The following ZBTB20 variants were observed in gnomAD, a reference collection of about 807,000 sequenced individuals.
ZBTB20 encodes zinc finger and BTB domain-containing protein 20.
ZBTB20 carries 9 observed loss-of-function variants against 56.9 expected under a neutral mutation model. The ratio of observed to expected loss-of-function variants is 0.16; its 90% CI spans 0.10 to 0.28. The LOEUF is 0.28. Ranked by LOEUF, ZBTB20 falls within the 10% of genes least tolerant of loss-of-function variation. The pLI, the probability that ZBTB20 is intolerant of heterozygous loss-of-function variation, is 1.00. For missense variants in ZBTB20, 655 were observed against 1,003.0 expected, an observed-to-expected ratio of 0.65 and a Z score of 4.69; for synonymous variants, 417 against 420.7, an observed-to-expected ratio of 0.99 and a Z score of 0.11.
At chr3:114,558,770 T>C (rs1438469865) in intron 6 of ZBTB20, among the ~76,000 whole-genome samples, 1 of 152,170 alleles carries the variant, frequency 6.6e-6, no homozygotes, top group Non-Finnish European at 1.5e-5. Context: ...CTTCTCACTC[T>C]ACAGCCTATA....
rs1467646349 is a variant in ZBTB20 at position 114,449,030 on chromosome 3, T to A, written c.-255+51322A>T. Among the ~76,000 whole-genome samples the A allele has an allele frequency of 4.6e-5, 7 of 152,158 alleles. No homozygotes were observed. In the East Asian group the frequency reaches 1.3e-3, roughly 29 times the overall value. ...GAAATTCAAACTTTGAGCATTATTT[T>A]AAATTGGGTATTTAAAATATCAGTA... On this transcript the variant is annotated intron_variant, in intron 7 of 11. Transcript: ENST00000675478.
chr3:114,630,070 G>T (rs895862030), intron 6 of ZBTB20, among the ~76,000 whole-genome samples: 1 of 152,156 alleles, frequency 6.6e-6, no homozygotes, highest in African/African-American at 2.4e-5. Context: ...ATTCCAGGAG[G>T]TTGAGGCTGC....
intron 3 of ZBTB20, among the ~76,000 whole-genome samples, chr3:114,905,111 T>C (rs1301320723): frequency 6.6e-6 from 1 of 151,956 alleles, no homozygotes; most frequent in Non-Finnish European, 1.5e-5. Context: ...CTAATTGTCC[T>C]ATAATCCACA....
chr3:115,093,800 T>C (rs2083284223), intron 1 of ZBTB20, among the ~76,000 whole-genome samples: 1 of 152,282 alleles, frequency 6.6e-6, no homozygotes, highest in East Asian at 1.9e-4. Flanking sequence ...AAATGTGAGA[T>C]GTTTTGACTT....
chr3:114,680,114 A>G (rs1055161637), intron 6 of ZBTB20, among the ~76,000 whole-genome samples: 10 of 152,154 alleles, frequency 6.6e-5, no homozygotes, highest in Non-Finnish European at 1.3e-4. Context: ...CGAGGGGAAC[A>G]TTACACACCA....
At chr3:114,534,756 C>A (rs1374165143) in intron 6 of ZBTB20, among the ~76,000 whole-genome samples, 1 of 152,152 alleles carries the variant, frequency 6.6e-6, no homozygotes, top group Non-Finnish European at 1.5e-5. Flanking sequence ...CACTCCTCAG[C>A]AAATGTAAAA....
chr3:114,324,146 C>T lies in ZBTB20; in HGVS notation c.*14859G>A, dbSNP rs1280621230. ...ATGTATTTTCTGTAAAACATTAAGC[C>T]AATAGGCAGAAAATAAAAGGAAGTA... is the stretch of plus-strand genomic sequence containing the variant. On this transcript the variant is annotated 3_prime_UTR_variant, in exon 12 of 12. Coordinates refer to ENST00000675478, the MANE Select transcript of ZBTB20 (RefSeq NM_001348800.3). The T allele has an allele frequency of 2.0e-5, 3 of 151,960 alleles. No homozygotes were observed. Among genetic ancestry groups the T allele is most frequent in the Non-Finnish European group, 4.4e-5 (3 of 67,974 alleles). The allele number at this position is 151,960 out of a possible 1,614,324, so 9.4% of individuals were successfully genotyped here.
At chr3:114,918,655 G>A (rs770817041) in intron 3 of ZBTB20, among the ~76,000 whole-genome samples, 3 of 152,158 alleles carry the variant, frequency 2.0e-5, no homozygotes, top group African/African-American at 7.2e-5. Flanking sequence ...ATCTAGAAAT[G>A]TTATCTGGAA....
intron 7 of ZBTB20, among the ~76,000 whole-genome samples, chr3:114,488,482 A>AT (rs112434007): frequency 2.0e-5 from 3 of 152,190 alleles, no homozygotes; most frequent in African/African-American, 4.8e-5. Flanking sequence ...AAATACATGT[A>AT]TTTTTTAAAA....
chr3:114,882,675 C>T (rs1560357910), intron 4 of ZBTB20, among the ~76,000 whole-genome samples: 1 of 151,950 alleles, frequency 6.6e-6, no homozygotes, highest in Non-Finnish European at 1.5e-5. Flanking sequence ...ATCTCTAAGA[C>T]ATGGCATTAA....
chr3:114,444,691 A>G (rs556760760), intron 7 of ZBTB20, among the ~76,000 whole-genome samples: 9 of 152,032 alleles, frequency 5.9e-5, no homozygotes, highest in Non-Finnish European at 1.2e-4. Context: ...CCTGAATATC[A>G]TTTCTTAATC....
chr3:114,345,414 G>A (rs2080110167), intron 11 of ZBTB20, among the ~76,000 whole-genome samples: 2 of 152,170 alleles, frequency 1.3e-5, no homozygotes, highest in Non-Finnish European at 2.9e-5. Flanking sequence ...TGTGACCTAT[G>A]TAATTTGGAA....
chr3:114,586,947 A>AT (rs1441069289), intron 6 of ZBTB20, among the ~76,000 whole-genome samples: 1 of 144,494 alleles, frequency 6.9e-6, no homozygotes, highest in Non-Finnish European at 1.5e-5. Context: ...ATTTTTGCCC[A>AT]TTGTTGGTAC....
intron 10 of ZBTB20, among the ~76,000 whole-genome samples, chr3:114,361,058 T>A (rs113374917): frequency 2.6e-5 from 4 of 152,250 alleles, no homozygotes; most frequent in African/African-American, 9.6e-5. Flanking sequence ...TTTTGTATAA[T>A]ATTTATTATA....
chr3:115,091,938 T>C (rs757146766), intron 1 of ZBTB20, among the ~76,000 whole-genome samples: 4 of 152,066 alleles, frequency 2.6e-5, no homozygotes, highest in Non-Finnish European at 4.4e-5. Flanking sequence ...AAGTTATGCA[T>C]ATAAAATTGC....
At chr3:114,827,431 G>T (rs74870699) in intron 4 of ZBTB20, among the ~76,000 whole-genome samples, 4,991 of 151,830 alleles carry the variant, frequency 0.033, 149 homozygotes, top group Non-Finnish European at 0.044. Flanking sequence ...CCATTAGTTC[G>T]TTAGTTATAT....
intron 1 of ZBTB20, among the ~76,000 whole-genome samples, chr3:115,123,070 G>A (rs1451795028): frequency 6.6e-6 from 1 of 152,060 alleles, no homozygotes; most frequent in Non-Finnish European, 1.5e-5. Context: ...CTAGTTCTGT[G>A]TGCCATGCTA....
intron 6 of ZBTB20, among the ~76,000 whole-genome samples, chr3:114,544,483 C>A (rs1250339203): frequency 1.3e-5 from 1 of 78,978 alleles, no homozygotes; most frequent in South Asian, 5.0e-4. Context: ...CTTTCTTTTT[C>A]TTTCACTTTC....
At chr3:114,813,408 G>A (rs959834774) in intron 4 of ZBTB20, among the ~76,000 whole-genome samples, 54 of 152,142 alleles carry the variant, frequency 3.5e-4, no homozygotes, top group Non-Finnish European at 2.4e-4. Context: ...TCTATAAAAG[G>A]ATATCAACCC....
Sources: allele counts gnomAD v4.1 joint callset (sites outside exome capture counted in the v4.1 genomes callset), GRCh38; gene constraint gnomAD v4.1.1; transcripts MANE v1.5; gene names NCBI Gene and HGNC (gene_info 2026-07-23, HGNC 2026-07-21).